The following RORA variants were observed in gnomAD, a reference collection of about 807,000 sequenced individuals.
RORA encodes RAR related orphan receptor A.
A neutral mutation model predicts 69.5 loss-of-function variants in RORA; 7 were observed. The ratio of observed to expected loss-of-function variants is 0.10; its 90% CI spans 0.06 to 0.19. RORA has a LOEUF of 0.19. RORA is among the 10% of genes least tolerant of loss of function. The pLI is 1.00. For missense variants in RORA, 457 were observed against 663.0 expected (o/e 0.69, Z 3.41); for synonymous variants, 261 against 240.8 (o/e 1.08, Z -0.78).
intron 1 of RORA, among the ~76,000 whole-genome samples, chr15:61,074,325 C>T (rs2078414985): frequency 1.3e-5 from 2 of 152,152 alleles, no homozygotes; most frequent in Admixed American, 1.3e-4. Context: ...CATTTGAGAA[C>T]CCATAAGTCA....
chr15:61,009,858 T>C (rs1452270896), intron 1 of RORA, among the ~76,000 whole-genome samples: 1 of 152,212 alleles, frequency 6.6e-6, no homozygotes, highest in Admixed American at 6.5e-5. Context: ...GTCAGCCTAG[T>C]GTTCATCTGT....
rs944680320 is a variant in RORA, at chr15:60,494,116, A to G, written c.*3339T>C. The G allele has an allele frequency of 6.6e-6, 1 of 152,126 alleles. No individual in the cohort carries two copies. Among genetic ancestry groups the G allele is most frequent in the Non-Finnish European group, 1.5e-5 (1 of 68,034 alleles). The allele number at this position is 152,126 out of a possible 1,614,324, so 9.4% of individuals were successfully genotyped here. A position where few individuals can be genotyped will look rare whatever the true frequency, so the allele number is the denominator to read the frequency against. On this transcript the variant is annotated 3_prime_UTR_variant, in exon 11 of 11. Transcript: ENST00000335670. Reference sequence around the variant, plus strand: ...GTTTTTCTTAAGTTAGAAAGGGTGAATTAGGATGCTGAAGACTTTAAAAAA... The same window carrying G: ...GTTTTTCTTAAGTTAGAAAGGGTGAGTTAGGATGCTGAAGACTTTAAAAAA...
At chr15:60,772,775 CT>C (rs1001725987) in intron 1 of RORA, among the ~76,000 whole-genome samples, 1 of 152,214 alleles carries the variant, frequency 6.6e-6, no homozygotes, top group Admixed American at 6.5e-5. Context: ...CCTCATTTCA[CT>C]GCTGGATCTA....
chr15:61,114,519 G>A (rs1035306587), intron 1 of RORA, among the ~76,000 whole-genome samples: 4 of 152,194 alleles, frequency 2.6e-5, no homozygotes, highest in Admixed American at 1.3e-4. Context: ...GTTTGTTGCT[G>A]TGACTGCAAG....
At chr15:60,520,040 TC>T (rs1365282567) in intron 3 of RORA, 3 of 152,124 alleles carry the variant, frequency 2.0e-5, no homozygotes, top group African/African-American at 7.2e-5. Flanking sequence ...TTTGGAAGTC[TC>T]AGTTTTGAGG....
intron 1 of RORA, among the ~76,000 whole-genome samples, chr15:60,980,230 C>T (rs141507181): frequency 6.6e-6 from 1 of 152,246 alleles, no homozygotes; most frequent in Non-Finnish European, 1.5e-5. Flanking sequence ...GGGATAAATT[C>T]CCATTAGCTA....
At chr15:61,042,388 C>CACACACAT (rs1476467876) in intron 1 of RORA, among the ~76,000 whole-genome samples, 4 of 152,032 alleles carry the variant, frequency 2.6e-5, no homozygotes, top group African/African-American at 4.8e-5. Flanking sequence ...AATACACACA[C>CACACACAT]ACACACATAC....
chr15:60,820,004 A>C (rs1000527686), intron 1 of RORA, among the ~76,000 whole-genome samples: 6 of 152,242 alleles, frequency 3.9e-5, no homozygotes, highest in Admixed American at 3.9e-4. Context: ...TGTCTCTCAC[A>C]CAACCACGCC....
intron 1 of RORA, among the ~76,000 whole-genome samples, chr15:60,879,200 G>C (rs1051271158): frequency 2.0e-5 from 3 of 152,186 alleles, no homozygotes; most frequent in Admixed American, 1.3e-4. Context: ...AGGGGAGCAG[G>C]GGTTTACTGC....
chr15:60,613,439 T>A (rs954212161), intron 2 of RORA, among the ~76,000 whole-genome samples: 1 of 152,116 alleles, frequency 6.6e-6, no homozygotes, highest in African/African-American at 2.4e-5. Flanking sequence ...CAGCTTTGAA[T>A]CTTGTCCTGT....
chr15:60,715,576 T>C (rs2071209486), intron 1 of RORA, among the ~76,000 whole-genome samples: 1 of 152,184 alleles, frequency 6.6e-6, no homozygotes, highest in South Asian at 2.1e-4. Context: ...TCACAAAAAT[T>C]GCACAAATTG....
intron 1 of RORA, among the ~76,000 whole-genome samples, chr15:60,990,966 TTATCTA>T (rs1382960372): frequency 6.6e-6 from 1 of 152,216 alleles, no homozygotes; most frequent in Non-Finnish European, 1.5e-5. Flanking sequence ...CAAGTAATCT[TTATCTA>T]TATGTCATGT....
chr15:61,195,180 T>C (rs2079836279), intron 1 of RORA, among the ~76,000 whole-genome samples: 1 of 152,044 alleles, frequency 6.6e-6, no homozygotes, highest in African/African-American at 2.4e-5. Context: ...AGATTTTAGG[T>C]TGTCAGCTGT....
chr15:60,960,326 C>T (rs913275533), intron 1 of RORA, among the ~76,000 whole-genome samples: 73 of 152,188 alleles, frequency 4.8e-4, no homozygotes, highest in Non-Finnish European at 8.8e-4. Context: ...CCTCTACAAG[C>T]AAATGAGCCA....
At chr15:60,942,330 A>G (rs561488883) in intron 1 of RORA, among the ~76,000 whole-genome samples, 11 of 152,314 alleles carry the variant, frequency 7.2e-5, no homozygotes, top group African/African-American at 2.6e-4. Context: ...CCCTTATCAG[A>G]CCAAATCCCA....
At chr15:60,578,159 C>A (rs941673165) in intron 2 of RORA, among the ~76,000 whole-genome samples, 1 of 152,146 alleles carries the variant, frequency 6.6e-6, no homozygotes, top group African/African-American at 2.4e-5. Flanking sequence ...TAAAATACAC[C>A]GGTATATTTT....
chr15:60,876,359 C>T (rs2140441362), intron 1 of RORA, among the ~76,000 whole-genome samples: 1 of 149,764 alleles, frequency 6.7e-6, no homozygotes, highest in South Asian at 2.1e-4. Context: ...GTTGGAGGCA[C>T]TCGGAATTCT....
intron 1 of RORA, among the ~76,000 whole-genome samples, chr15:61,148,095 C>T (rs192779205): frequency 1.2e-4 from 18 of 152,250 alleles, no homozygotes; most frequent in Non-Finnish European, 2.1e-4. Flanking sequence ...CCATCGATGC[C>T]GAAGGCGTGA....
At position 61,214,000 on chromosome 15, in the gene RORA, C is replaced by T. The variant is rs1261597021; in HGVS notation, c.166+15053G>A. 2.0e-5 allele frequency: 3 copies of T among 152,186 alleles called. No homozygotes were observed. The highest frequency in any genetic ancestry group is 2.9e-5 in the Non-Finnish European group (2 of 68,040). 9.4% of individuals were successfully genotyped at this position (152,186 alleles called of 1,614,324 possible). A position where few individuals can be genotyped will look rare whatever the true frequency, so the allele number is the denominator to read the frequency against. On this transcript the variant is annotated intron_variant, in intron 1 of 10. Coordinates refer to ENST00000335670, the MANE Select transcript of RORA (RefSeq NM_134261.3). The surrounding 1 kb of genome is among the most constrained non-coding windows in gnomAD (Gnocchi z 4.1). ...CTGCACGTCACTAGCATCCTGAGGG[C>T]ATTCACCGAATGCTCATGTAAAAGG...
Sources: gnomAD v4.1 joint callset for allele counts (sites outside exome capture counted in the v4.1 genomes callset) on GRCh38, gnomAD v4.1.1 for gene constraint, Gnocchi (gnomAD v3.1) non-coding constraint, MANE v1.5 for transcripts, NCBI Gene and HGNC (gene_info 2026-07-23, HGNC 2026-07-21) for gene names.